The following PLA2G12B variants were observed in gnomAD, a reference collection of about 807,000 sequenced individuals.
PLA2G12B encodes phospholipase A2 group XIIB, also known as group XIIB secretory phospholipase A2-like protein.
Under a neutral mutation model 22.3 loss-of-function variants are expected in PLA2G12B, and 19 were observed. The observed-to-expected ratio is 0.85, with a 90% CI of 0.60 to 1.25. The LOEUF is 1.25. PLA2G12B is among the 50% of genes most tolerant of loss of function. The pLI, the probability that PLA2G12B is intolerant of heterozygous loss-of-function variation, is 0.00. For synonymous variants in PLA2G12B, 81 were observed against 94.9 expected, an observed-to-expected ratio of 0.85 and a Z score of 0.85; for missense variants, 191 against 246.6, an observed-to-expected ratio of 0.77 and a Z score of 1.51.
intron 1 of PLA2G12B, among the ~76,000 whole-genome samples, chr10:72,948,882 C>G (rs530298920): frequency 6.6e-6 from 1 of 152,176 alleles, no homozygotes; most frequent in African/African-American, 2.4e-5. Context: ...GGAGGGAGAT[C>G]GAGAAGTGTT....
intron 2 of PLA2G12B, among the ~76,000 whole-genome samples, chr10:72,941,958 T>C (rs1846368658): frequency 6.6e-6 from 1 of 152,078 alleles, no homozygotes; most frequent in Non-Finnish European, 1.5e-5. Flanking sequence ...CAACTGTAAA[T>C]GTAGTGGCAT....
chr10:72,953,451 A>G (rs766973502), intron 1 of PLA2G12B, among the ~76,000 whole-genome samples: 1 of 152,124 alleles, frequency 6.6e-6, no homozygotes, highest in African/African-American at 2.4e-5. Context: ...TTTGGAGAAA[A>G]TATTTCTCAA....
chr10:72,942,620 C>T (rs766384464), intron 2 of PLA2G12B, 32 bp downstream of exon 2: 1 of 1,529,006 alleles, frequency 6.5e-7, no homozygotes. Context: ...TCAAAACCAA[C>T]CAACCAAGAA....
chr10:72,946,858 G>A lies in PLA2G12B; in HGVS notation c.212-4118C>T, dbSNP rs144218551. Among the ~76,000 whole-genome samples the A allele has an allele frequency of 6.3e-4, 95 of 151,112 alleles. 2 individuals carry two copies. In the East Asian group the frequency reaches 0.017, roughly 27 times the overall value. On this transcript the variant is annotated intron_variant, in intron 1 of 3. Transcript: ENST00000373032. ...GCCTTGTCAATTCTGCAAATATTTT[G>A]TGCCATTCTGTGGGTTGTCTTTTCA... is the stretch of plus-strand genomic sequence containing the variant.
chr10:72,940,212 T>C (rs1194407233), intron 3 of PLA2G12B, among the ~76,000 whole-genome samples: 2 of 152,176 alleles, frequency 1.3e-5, no homozygotes, highest in Non-Finnish European at 2.9e-5. Context: ...TTCTCTCTAC[T>C]GCAGACACTC....
chr10:72,941,262 T>G lies in PLA2G12B; in HGVS notation c.373A>C (p.Asn125His). The part of the protein sequence containing the change: ...LDVCYDTCGA[N>H]KYRCDAKFRW... ...AATTTTGCATCACAGCGATATTTGT[T>G]GGCACCGCAAGTGTCATAACAGACA... The change falls in exon 3 of 4, where the codon AAC becomes CAC. Residue 125 changes from asparagine to histidine, a missense_variant. Physicochemically the swap from Asn to His is moderately conservative, Grantham distance 68 (BLOSUM62 1). Coordinates refer to ENST00000373032, the MANE Select transcript of PLA2G12B (RefSeq NM_032562.5). 1 of 1,613,910 alleles carries G rather than the reference T, an allele frequency of 6.2e-7. No homozygotes were observed.
At chr10:72,952,221 C>T (rs185865893) in intron 1 of PLA2G12B, among the ~76,000 whole-genome samples, 21 of 152,292 alleles carry the variant, frequency 1.4e-4, no homozygotes, top group South Asian at 6.2e-4. Context: ...TGGCTGGTGC[C>T]GTGGCTCACG....
chr10:72,949,834 G>A (rs895131948), intron 1 of PLA2G12B, among the ~76,000 whole-genome samples: 3 of 152,134 alleles, frequency 2.0e-5, no homozygotes, highest in Non-Finnish European at 4.4e-5. Context: ...AAAGTAACTA[G>A]GCGTGGTGGC....
chr10:72,946,701 C>A (rs1049313924), intron 1 of PLA2G12B, among the ~76,000 whole-genome samples: 1 of 152,154 alleles, frequency 6.6e-6, no homozygotes, highest in East Asian at 1.9e-4. Flanking sequence ...TGTTGAGCAT[C>A]TTTTTATGTG....
chr10:72,942,976 T>C (rs529515395), intron 1 of PLA2G12B, among the ~76,000 whole-genome samples: 79 of 152,152 alleles, frequency 5.2e-4, no homozygotes, highest in African/African-American at 1.9e-3. Context: ...CACTTTTTTT[T>C]TTTTTTTGAG....
At chr10:72,937,137 G>C (rs1044237407) in intron 3 of PLA2G12B, among the ~76,000 whole-genome samples, 10 of 151,710 alleles carry the variant, frequency 6.6e-5, no homozygotes, top group Admixed American at 5.9e-4. Context: ...CGTGAACCCG[G>C]AGGCAGAGCT....
intron 1 of PLA2G12B, among the ~76,000 whole-genome samples, chr10:72,945,749 G>C (rs1042713925): frequency 3.3e-5 from 5 of 151,938 alleles, no homozygotes; most frequent in Admixed American, 6.6e-5. Context: ...CCAAGTTCAA[G>C]TGATTCTCCT....
rs373343591 is a variant in PLA2G12B, at chr10:72,936,561, CAG to C, written c.467-825_467-824del. Among the ~76,000 whole-genome samples the C allele has an allele frequency of 1.2e-3, 176 of 152,072 alleles. 1 individual carries two copies. The highest frequency in any genetic ancestry group is 4.1e-3 in the African/African-American group (168 of 41,472). ...AAATTTCCAGAATAGGCAATCCATA[CAG>C]AGAGTAAAATAGTGGTTGTCTAGGG... On this transcript the variant is annotated intron_variant, in intron 3 of 3. Transcript: ENST00000373032.
chr10:72,939,876 G>A (rs1195264915), intron 3 of PLA2G12B, among the ~76,000 whole-genome samples: 1 of 152,186 alleles, frequency 6.6e-6, no homozygotes, highest in Admixed American at 6.5e-5. Flanking sequence ...TTTACACAGG[G>A]GGTTGAGATG....
At chr10:72,953,874 G>A (rs949878404) in intron 1 of PLA2G12B, among the ~76,000 whole-genome samples, 5 of 152,230 alleles carry the variant, frequency 3.3e-5, no homozygotes, top group Non-Finnish European at 7.3e-5. Flanking sequence ...TGTCGTTGCC[G>A]AGGCTGCAGG....
chr10:72,945,769 T>A (rs1846431212), intron 1 of PLA2G12B, among the ~76,000 whole-genome samples: 2 of 152,108 alleles, frequency 1.3e-5, no homozygotes, highest in Admixed American at 1.3e-4. Context: ...TGCATCAGCC[T>A]CCTGAGTAAC....
At chr10:72,952,210 C>G (rs997787677) in intron 1 of PLA2G12B, among the ~76,000 whole-genome samples, 22 of 152,256 alleles carry the variant, frequency 1.4e-4, no homozygotes. Context: ...AAGGTAAAAT[C>G]TGGCTGGTGC....
At chr10:72,949,014 G>T (rs1846485382) in intron 1 of PLA2G12B, among the ~76,000 whole-genome samples, 1 of 152,172 alleles carries the variant, frequency 6.6e-6, no homozygotes, top group African/African-American at 2.4e-5. Context: ...CCCAGGGCAA[G>T]AGTTTTGCCT....
At chr10:72,943,631 A>G (rs1040207038) in intron 1 of PLA2G12B, among the ~76,000 whole-genome samples, 7 of 152,218 alleles carry the variant, frequency 4.6e-5, no homozygotes, top group African/African-American at 1.7e-4. Context: ...AAATGTGTAG[A>G]GAGAAGCTTT....
Sources: gnomAD v4.1 joint callset for allele counts (sites outside exome capture counted in the v4.1 genomes callset) on GRCh38, gnomAD v4.1.1 for gene constraint, MANE v1.5 for transcripts, NCBI Gene and HGNC (gene_info 2026-07-23, HGNC 2026-07-21) for gene names.